Variants in LINGO2 observed in about 807,000 individuals in gnomAD.
LINGO2 encodes leucine rich repeat and Ig domain containing 2.
LINGO2 carries 14 observed loss-of-function variants against 30.6 expected under a neutral mutation model. The observed-to-expected ratio is 0.46, with a 90% CI of 0.30 to 0.72. The LOEUF (loss-of-function observed/expected upper bound fraction) is 0.72. Among genes scored for constraint, LINGO2 ranks in the 30% least tolerant of loss-of-function variants. The probability of loss-of-function intolerance (pLI) is 0.07; values close to 1 mark genes in which losing one functional copy is unlikely to be tolerated. For synonymous variants in LINGO2, 317 were observed against 288.5 expected (o/e 1.10, Z -1.00); for missense variants, 729 against 751.7 (o/e 0.97, Z 0.35).
intron 4 of LINGO2, among the ~76,000 whole-genome samples, chr9:28,135,348 G>A (rs1827488979): frequency 6.6e-6 from 1 of 151,966 alleles, no homozygotes; most frequent in African/African-American, 2.4e-5. Flanking sequence ...AGAAAGAGAA[G>A]AGAAAATAAA....
chr9:28,888,788 T>C, the LINGO2 span: 1 of 494,454 alleles, frequency 2.0e-6, no homozygotes. Context: ...AACTTAAACT[T>C]ATACTCAGAA....
the LINGO2 span, among the ~76,000 whole-genome samples, chr9:29,057,937 TG>T: frequency 6.6e-6 from 1 of 152,112 alleles, no homozygotes; most frequent in Non-Finnish European, 1.5e-5. Context: ...CGACAAGGCT[TG>T]AAAGGATCAA....
chr9:28,683,771 A>C, the LINGO2 span, among the ~76,000 whole-genome samples: 1 of 152,204 alleles, frequency 6.6e-6, no homozygotes, highest in African/African-American at 2.4e-5. Flanking sequence ...AGCAGCTGCT[A>C]TGTGGCAAGC....
chr9:28,057,798 A>G (rs925548936), intron 4 of LINGO2, among the ~76,000 whole-genome samples: 1 of 151,900 alleles, frequency 6.6e-6, no homozygotes, highest in East Asian at 1.9e-4. Flanking sequence ...ATCAAAAAGT[A>G]TCTACTCTCT....
At chr9:28,684,818 C>T in the LINGO2 span, among the ~76,000 whole-genome samples, 4 of 152,040 alleles carry the variant, frequency 2.6e-5, no homozygotes, top group Admixed American at 6.6e-5. Flanking sequence ...TGCACCTGGA[C>T]ATTTTTTTCT....
At chr9:28,794,836 C>T in the LINGO2 span, among the ~76,000 whole-genome samples, 6 of 145,140 alleles carry the variant, frequency 4.1e-5, no homozygotes, top group South Asian at 2.2e-4. Context: ...TTTTTTCTTT[C>T]TTTTTTTTTT....
chr9:28,759,076 T>G, the LINGO2 span, among the ~76,000 whole-genome samples: 1 of 152,086 alleles, frequency 6.6e-6, no homozygotes, highest in South Asian at 2.1e-4. Context: ...ATATTTTTCC[T>G]TAGTTGCTGT....
At chr9:29,027,199 T>C in the LINGO2 span, among the ~76,000 whole-genome samples, 2 of 152,208 alleles carry the variant, frequency 1.3e-5, no homozygotes, top group Middle Eastern at 3.2e-3. Flanking sequence ...GTCAACTTAC[T>C]GCATCAGAAA....
chr9:28,795,216 C>G, the LINGO2 span, among the ~76,000 whole-genome samples: 1 of 152,166 alleles, frequency 6.6e-6, no homozygotes, highest in African/African-American at 2.4e-5. Flanking sequence ...TTGTGCCTGT[C>G]TTGTTACTGT....
chr9:29,011,058 T>C, the LINGO2 span, among the ~76,000 whole-genome samples: 1 of 152,198 alleles, frequency 6.6e-6, no homozygotes, highest in African/African-American at 2.4e-5. Flanking sequence ...ATCCTCATAG[T>C]GCTCACACTG....
chr9:29,192,994 A>G, the LINGO2 span, among the ~76,000 whole-genome samples: 2 of 152,168 alleles, frequency 1.3e-5, no homozygotes, highest in Non-Finnish European at 2.9e-5. Context: ...AGGGATGCTC[A>G]CTTTTTACCA....
intron 2 of LINGO2, among the ~76,000 whole-genome samples, chr9:28,429,297 C>T (rs1284201301): frequency 2.0e-5 from 3 of 152,036 alleles, no homozygotes; most frequent in Non-Finnish European, 4.4e-5. Flanking sequence ...AAAAACCTCA[C>T]AAGAGTTTTA....
intron 2 of LINGO2, among the ~76,000 whole-genome samples, chr9:28,465,278 C>T (rs184127503): frequency 2.0e-5 from 3 of 152,224 alleles, no homozygotes; most frequent in Admixed American, 6.5e-5. Flanking sequence ...GGAAGTGGCT[C>T]TCAGTAGGAT....
intron 3 of LINGO2, among the ~76,000 whole-genome samples, chr9:28,305,573 A>T (rs997268369): frequency 2.6e-5 from 4 of 152,076 alleles, no homozygotes; most frequent in Admixed American, 2.0e-4. Flanking sequence ...GTCTAGCAAC[A>T]AAACATTAGA....
At chr9:28,043,585 G>C (rs1008388560) in intron 4 of LINGO2, among the ~76,000 whole-genome samples, 3 of 152,148 alleles carry the variant, frequency 2.0e-5, no homozygotes, top group Non-Finnish European at 2.9e-5. Flanking sequence ...CCCCATTTTT[G>C]AGAACTTTTC....
At chr9:28,535,057 C>T (rs1821372785) in intron 1 of LINGO2, among the ~76,000 whole-genome samples, 1 of 152,050 alleles carries the variant, frequency 6.6e-6, no homozygotes. Context: ...GAATTCTTCT[C>T]CGAGGAAATT....
the LINGO2 span, among the ~76,000 whole-genome samples, chr9:29,088,798 G>A: frequency 1.4e-4 from 21 of 152,090 alleles, no homozygotes; most frequent in African/African-American, 4.6e-4. Context: ...TCACAATATA[G>A]GAGAAAGACT....
At chr9:29,158,282 G>GCCTA in the LINGO2 span, among the ~76,000 whole-genome samples, 338 of 152,122 alleles carry the variant, frequency 2.2e-3, 1 homozygote, top group African/African-American at 7.7e-3. Context: ...CATGAGCCCA[G>GCCTA]GAGGTCAAGG....
chr9:29,181,569 G>A, the LINGO2 span, among the ~76,000 whole-genome samples: 1 of 152,150 alleles, frequency 6.6e-6, no homozygotes, highest in Non-Finnish European at 1.5e-5. Flanking sequence ...AAAACAAGTT[G>A]AAAGGATTCT....
Sources: gnomAD v4.1 joint callset for allele counts (sites outside exome capture counted in the v4.1 genomes callset) on GRCh38, gnomAD v4.1.1 for gene constraint, MANE v1.5 for transcripts, NCBI Gene and HGNC (gene_info 2026-07-23, HGNC 2026-07-21) for gene names.